Variants in EPHA3 observed in about 807,000 individuals in gnomAD.
The protein encoded by EPHA3 is ephrin type-A receptor 3.
In EPHA3, 42 loss-of-function variants were observed where a neutral mutation model predicts 107.1. The observed-to-expected ratio is 0.39, with a 90% CI of 0.31 to 0.51. EPHA3 has a LOEUF of 0.51. Ranked by LOEUF, EPHA3 falls within the 20% of genes least tolerant of loss-of-function variation. EPHA3 has a pLI of 0.78. For missense variants in EPHA3, 1,183 were observed against 1,211.2 expected (o/e 0.98, Z 0.35); for synonymous variants, 461 against 424.8 (o/e 1.09, Z -1.05).
At chr3:89,429,078 T>C (rs764130447) in intron 11 of EPHA3, 28 bp from the exon 12 acceptor site, 1 of 1,470,942 alleles carries the variant, frequency 6.8e-7, no homozygotes, top group South Asian at 1.1e-5. Context: ...CTGTACTGAT[T>C]ATTATTTATT....
intron 2 of EPHA3, among the ~76,000 whole-genome samples, chr3:89,132,449 C>T (rs923516532): frequency 6.6e-6 from 1 of 152,114 alleles, no homozygotes; most frequent in Non-Finnish European, 1.5e-5. Flanking sequence ...TCCAGATTGT[C>T]TTTTTTGGTA....
chr3:89,379,658 T>C (rs1200002149), intron 5 of EPHA3, among the ~76,000 whole-genome samples: 3 of 152,178 alleles, frequency 2.0e-5, no homozygotes, highest in African/African-American at 7.2e-5. Flanking sequence ...TACGCCTATG[T>C]TACAAATAAG....
chr3:89,146,824 G>C (rs1392124823), intron 2 of EPHA3, among the ~76,000 whole-genome samples: 1 of 151,914 alleles, frequency 6.6e-6, no homozygotes, highest in East Asian at 1.9e-4. Context: ...TTTGTACAAG[G>C]TATAAGGAAG....
At chr3:89,188,267 G>A (rs1444827717) in intron 2 of EPHA3, among the ~76,000 whole-genome samples, 5 of 152,212 alleles carry the variant, frequency 3.3e-5, no homozygotes, top group Non-Finnish European at 4.4e-5. Context: ...TTCTATCATA[G>A]GCACGTGAAT....
At chr3:89,293,206 T>A (rs1706258357) in intron 3 of EPHA3, among the ~76,000 whole-genome samples, 1 of 152,270 alleles carries the variant, frequency 6.6e-6, no homozygotes, top group Admixed American at 6.5e-5. Flanking sequence ...TTTTTTAAAC[T>A]ATGGAATTTT....
intron 15 of EPHA3, among the ~76,000 whole-genome samples, chr3:89,467,338 C>G (rs1245634001): frequency 2.0e-5 from 3 of 152,122 alleles, no homozygotes; most frequent in East Asian, 3.8e-4. Context: ...TTTCCTGAAA[C>G]TATTCACAAC....
intron 1 of EPHA3, among the ~76,000 whole-genome samples, chr3:89,117,625 T>C (rs983162214): frequency 7.2e-5 from 11 of 152,094 alleles, no homozygotes; most frequent in Admixed American, 3.3e-4. Context: ...CCAACAGTAT[T>C]GTCCTCTTAC....
chr3:89,160,571 T>TGC (rs1366541675), intron 2 of EPHA3, among the ~76,000 whole-genome samples: 1 of 138,598 alleles, frequency 7.2e-6, no homozygotes, highest in Non-Finnish European at 1.6e-5. Flanking sequence ...TGTGTGTGTG[T>TGC]GTGTGTGTGT....
intron 2 of EPHA3, among the ~76,000 whole-genome samples, chr3:89,153,957 C>G (rs1164113585): frequency 6.6e-6 from 1 of 152,034 alleles, no homozygotes; most frequent in South Asian, 2.1e-4. Flanking sequence ...ATGAACAAGT[C>G]AGGTCTGCTT....
intron 14 of EPHA3, 118 bp downstream of exon 14, chr3:89,449,492 G>T (rs1709944925): frequency 2.4e-6 from 2 of 846,116 alleles, no homozygotes; most frequent in Non-Finnish European, 3.4e-6. Context: ...AAAATATTTA[G>T]CAGCAATGAA....
At chr3:89,479,249 G>A (rs1204831099) in intron 16 of EPHA3, 148 bp from the exon 17 acceptor site, 11 of 652,512 alleles carry the variant, frequency 1.7e-5, no homozygotes, top group South Asian at 5.7e-5. Context: ...ATGGTGGAAC[G>A]GTCCGGACAT....
intron 3 of EPHA3, among the ~76,000 whole-genome samples, chr3:89,284,028 G>A (rs1319605248): frequency 6.6e-6 from 1 of 151,748 alleles, no homozygotes; most frequent in East Asian, 1.9e-4. Flanking sequence ...TAAAAGACTA[G>A]GATTTTATTA....
At chr3:89,354,789 TA>T (rs1459416681) in intron 5 of EPHA3, among the ~76,000 whole-genome samples, 8 of 151,254 alleles carry the variant, frequency 5.3e-5, no homozygotes, top group African/African-American at 1.7e-4. Context: ...TATAAGTGAA[TA>T]AGTGTCTTGT....
At chr3:89,436,559 G>T (rs1709673681) in intron 13 of EPHA3, among the ~76,000 whole-genome samples, 1 of 152,166 alleles carries the variant, frequency 6.6e-6, no homozygotes, top group Non-Finnish European at 1.5e-5. Context: ...CAGTGGAAAA[G>T]AATACTGAAC....
intron 2 of EPHA3, among the ~76,000 whole-genome samples, chr3:89,169,058 C>T (rs1270022307): frequency 2.0e-5 from 3 of 152,088 alleles, no homozygotes; most frequent in Non-Finnish European, 4.4e-5. Flanking sequence ...TGTTCCTTGG[C>T]TGGAGGTTTG....
chr3:89,381,745 TG>T (rs1464676606), intron 5 of EPHA3, among the ~76,000 whole-genome samples: 2 of 151,838 alleles, frequency 1.3e-5, no homozygotes, highest in Non-Finnish European at 2.9e-5. Context: ...CCATCAGAAA[TG>T]GGATTAGTGC....
At chr3:89,284,904 A>T (rs1576288942) in intron 3 of EPHA3, among the ~76,000 whole-genome samples, 1 of 152,272 alleles carries the variant, frequency 6.6e-6, no homozygotes, top group East Asian at 1.9e-4. Flanking sequence ...AGGAGGGTGG[A>T]TCACTTGAGG....
chr3:89,213,960 A>G (rs1704166401), intron 3 of EPHA3, among the ~76,000 whole-genome samples: 1 of 152,022 alleles, frequency 6.6e-6, no homozygotes, highest in Non-Finnish European at 1.5e-5. Context: ...AATAAAAAGT[A>G]TGGCACTGAT....
intron 5 of EPHA3, among the ~76,000 whole-genome samples, chr3:89,360,327 A>G (rs552933585): frequency 2.0e-5 from 3 of 151,054 alleles, no homozygotes; most frequent in Non-Finnish European, 4.4e-5. Flanking sequence ...GCTTGTCCAC[A>G]TAACACCTAA....
Sources: allele counts gnomAD v4.1 joint callset (sites outside exome capture counted in the v4.1 genomes callset), GRCh38; gene constraint gnomAD v4.1.1; transcripts MANE v1.5; gene names NCBI Gene and HGNC (gene_info 2026-07-23, HGNC 2026-07-21).